Variants in PDE4D observed in about 807,000 individuals in gnomAD.
The protein encoded by PDE4D is phosphodiesterase 4D.
A neutral mutation model predicts 87.4 loss-of-function variants in PDE4D; 24 were observed. The observed-to-expected ratio is 0.27, with a 90% CI of 0.20 to 0.39. The LOEUF (loss-of-function observed/expected upper bound fraction) is 0.39. PDE4D is among the 10% of genes least tolerant of loss of function. The pLI is 1.00. For synonymous variants in PDE4D, 384 were observed against 383.2 expected (o/e 1.00, Z -0.02); for missense variants, 714 against 1,041.0 (o/e 0.69, Z 4.32).
intron 5 of PDE4D, among the ~76,000 whole-genome samples, chr5:59,082,075 A>G (rs1766871866): frequency 2.0e-5 from 3 of 152,150 alleles, no homozygotes; most frequent in Admixed American, 2.0e-4. Flanking sequence ...CCAGCCATGC[A>G]GAACTGTGAG....
At chr5:59,596,879 G>A (rs1055959577) in intron 1 of PDE4D, among the ~76,000 whole-genome samples, 2 of 152,106 alleles carry the variant, frequency 1.3e-5, no homozygotes, top group South Asian at 4.1e-4. Flanking sequence ...AAAATGTCCT[G>A]TAGACTCAGG....
At chr5:60,325,652 A>T (rs1426361352) in intron 1 of PDE4D, among the ~76,000 whole-genome samples, 2 of 152,132 alleles carry the variant, frequency 1.3e-5, no homozygotes, top group African/African-American at 4.8e-5. Flanking sequence ...TGCAGTTATA[A>T]AAAATAATAC....
chr5:59,341,596 T>C (rs1778731848), intron 1 of PDE4D, among the ~76,000 whole-genome samples: 1 of 152,220 alleles, frequency 6.6e-6, no homozygotes, highest in Non-Finnish European at 1.5e-5. Flanking sequence ...TCCAATTTTC[T>C]TGGCAAAGGT....
At chr5:59,240,203 C>A (rs1017891389) in intron 1 of PDE4D, among the ~76,000 whole-genome samples, 2 of 152,044 alleles carry the variant, frequency 1.3e-5, no homozygotes, top group Non-Finnish European at 2.9e-5. Flanking sequence ...GAACAAAGTT[C>A]TGTTATTATT....
intron 1 of PDE4D, among the ~76,000 whole-genome samples, chr5:59,374,689 C>T (rs1056801601): frequency 1.1e-4 from 16 of 152,170 alleles, no homozygotes; most frequent in South Asian, 8.3e-4. Context: ...TAGATATCTA[C>T]AGAAGTCTCC....
chr5:59,649,932 T>TTTTTTTTTTTTTTTTTTTTTA (rs1219411329), intron 1 of PDE4D, among the ~76,000 whole-genome samples: 1 of 141,836 alleles, frequency 7.1e-6, no homozygotes, highest in Non-Finnish European at 1.5e-5. Context: ...TTTTTTTTTT[T>TTTTTTTTTTTTTTTTTTTTTA]AGCAATGACC....
Position 58,970,724 on chromosome 5 carries a change from A to G in PDE4D, c.*3940T>C, listed in dbSNP as rs1742460065. The G allele has an allele frequency of 1.3e-5, 2 of 152,172 alleles. No homozygotes were observed. Among genetic ancestry groups the G allele is most frequent in the Non-Finnish European group, 2.9e-5 (2 of 68,038 alleles). 9.4% of individuals were successfully genotyped at this position (152,172 alleles called of 1,614,324 possible). Reference sequence around the variant, plus strand: ...GATTAAAAAACAGTATTTTCTCTTTAATGTATTCTCTTAACATGTCAGGAA... The same window carrying G: ...GATTAAAAAACAGTATTTTCTCTTTGATGTATTCTCTTAACATGTCAGGAA... On this transcript the variant is annotated 3_prime_UTR_variant, in exon 15 of 15. Coordinates refer to ENST00000340635, the MANE Select transcript of PDE4D (RefSeq NM_001104631.2).
At chr5:59,323,248 A>G (rs1048000603) in intron 1 of PDE4D, among the ~76,000 whole-genome samples, 3 of 152,024 alleles carry the variant, frequency 2.0e-5, no homozygotes, top group Non-Finnish European at 4.4e-5. Flanking sequence ...AGATTCTCCC[A>G]CTAATTCTTT....
chr5:59,216,981 G>A (rs992088737), intron 1 of PDE4D, among the ~76,000 whole-genome samples: 5 of 152,106 alleles, frequency 3.3e-5, no homozygotes, highest in Non-Finnish European at 7.4e-5. Flanking sequence ...GAGACTCAGC[G>A]TATTCTTGGC....
chr5:60,107,114 G>A (rs1777047597), intron 2 of PDE4D, among the ~76,000 whole-genome samples: 1 of 151,952 alleles, frequency 6.6e-6, no homozygotes, highest in Admixed American at 6.6e-5. Flanking sequence ...CCGCTAGCAA[G>A]ACTAATAAAG....
chr5:59,606,859 A>G (rs750744775), intron 1 of PDE4D, among the ~76,000 whole-genome samples: 30 of 152,216 alleles, frequency 2.0e-4, no homozygotes, highest in African/African-American at 7.2e-4. Context: ...AAGTCTTACA[A>G]TTAATTCATA....
rs114099781 is a variant in PDE4D, at chr5:59,769,300, A to G, written c.455+123868T>C. Among the ~76,000 whole-genome samples, 203 of 152,276 alleles carry G rather than the reference A, an allele frequency of 1.3e-3. 1 individual carries two copies. The highest frequency in any genetic ancestry group is 4.8e-3 in the African/African-American group (198 of 41,542). On this transcript the variant is annotated intron_variant, in intron 1 of 14. Coordinates refer to ENST00000340635, the MANE Select transcript of PDE4D (RefSeq NM_001104631.2). ...TGCAGTTGTGTTCTACAACCTTATT[A>G]ATTAGGGCCCTTTCAAAGAACTAAC... is the stretch of plus-strand genomic sequence containing the variant.
At chr5:60,109,649 G>A (rs1314313229) in intron 2 of PDE4D, among the ~76,000 whole-genome samples, 1 of 152,076 alleles carries the variant, frequency 6.6e-6, no homozygotes, top group Admixed American at 6.6e-5. Flanking sequence ...AAGAAAATGT[G>A]GCACATATAC....
chr5:60,405,522 C>T (rs1377731698), intron 1 of PDE4D, among the ~76,000 whole-genome samples: 2 of 152,198 alleles, frequency 1.3e-5, no homozygotes, highest in East Asian at 3.9e-4. Flanking sequence ...CATAGGTGGG[C>T]ACCGCTATGC....
chr5:60,035,272 G>A (rs1257816790), intron 2 of PDE4D, among the ~76,000 whole-genome samples: 1 of 150,932 alleles, frequency 6.6e-6, no homozygotes, highest in East Asian at 1.9e-4. Flanking sequence ...AAAAAAAAAG[G>A]GCATACTTGT....
chr5:59,209,365 T>C (rs1749566398), intron 2 of PDE4D, among the ~76,000 whole-genome samples: 1 of 152,088 alleles, frequency 6.6e-6, no homozygotes, highest in South Asian at 2.1e-4. Context: ...TTTGTATTTT[T>C]TGTAGAGACA....
intron 1 of PDE4D, among the ~76,000 whole-genome samples, chr5:59,374,747 T>C (rs771715023): frequency 6.6e-6 from 1 of 152,192 alleles, no homozygotes; most frequent in African/African-American, 2.4e-5. Flanking sequence ...ACATGCCACA[T>C]ACTCTAAAAT....
intron 1 of PDE4D, among the ~76,000 whole-genome samples, chr5:59,335,644 C>T (rs35261): frequency 0.29 from 44,099 of 152,012 alleles, 7,114 homozygotes; most frequent in Non-Finnish European, 0.37. Flanking sequence ...TCATAAGTGT[C>T]TCCCTCTCAG....
rs192403790 is a variant in PDE4D at position 59,945,019 on chromosome 5, T to C, written c.272+43469A>G. Reference sequence around the variant, plus strand: ...TTAATTTAAGATATACACTGTTACATGTTAAAATTTCAAAGTGCAGCATTT... The same window carrying C: ...TTAATTTAAGATATACACTGTTACACGTTAAAATTTCAAAGTGCAGCATTT... On this transcript the variant is annotated intron_variant, in intron 3 of 16. Coordinates refer to the PDE4D transcript ENST00000502484. 1.4e-4 allele frequency among the ~76,000 whole-genome samples: 22 copies of C among 152,338 alleles called. No homozygotes were observed. In the East Asian group the frequency reaches 2.9e-3, roughly 20 times the overall value.
Sources: allele counts gnomAD v4.1 joint callset (sites outside exome capture counted in the v4.1 genomes callset), GRCh38; gene constraint gnomAD v4.1.1; transcripts MANE v1.5; gene names NCBI Gene and HGNC (gene_info 2026-07-23, HGNC 2026-07-21).